RPS6KC1: variants seen among roughly 807,000 people sequenced by gnomAD.
RPS6KC1 encodes the protein inactive ribosomal protein S6 kinase delta-1.
In RPS6KC1, 54 loss-of-function variants were observed where a neutral mutation model predicts 103.8. The ratio of observed to expected loss-of-function variants is 0.52; its 90% CI spans 0.42 to 0.65. RPS6KC1 has a LOEUF of 0.65. Among genes scored for constraint, RPS6KC1 ranks in the 30% least tolerant of loss-of-function variants. The probability of loss-of-function intolerance (pLI) is 0.00; values close to 1 mark genes in which losing one functional copy is unlikely to be tolerated. For synonymous variants in RPS6KC1, 439 were observed against 438.7 expected (o/e 1.00, Z -0.01); for missense variants, 1,151 against 1,253.8 (o/e 0.92, Z 1.24).
intron 1 of RPS6KC1, among the ~76,000 whole-genome samples, chr1:213,064,215 C>G (rs1222934226): frequency 6.6e-6 from 1 of 152,122 alleles, no homozygotes; most frequent in African/African-American, 2.4e-5. Flanking sequence ...TGCCACCACA[C>G]CCGGCTCATT....
At chr1:213,527,742 T>G in the RPS6KC1 span, among the ~76,000 whole-genome samples, 2 of 152,128 alleles carry the variant, frequency 1.3e-5, no homozygotes, top group Non-Finnish European at 2.9e-5. Flanking sequence ...GGGTTAGTGG[T>G]ACTGACCCCT....
At chr1:213,791,741 G>A in the RPS6KC1 span, among the ~76,000 whole-genome samples, 2 of 152,142 alleles carry the variant, frequency 1.3e-5, no homozygotes, top group African/African-American at 4.8e-5. Flanking sequence ...ATCCCTATGA[G>A]GTTTGATGGC....
At chr1:213,113,507 G>C (rs1376075671) in intron 4 of RPS6KC1, among the ~76,000 whole-genome samples, 1 of 150,186 alleles carries the variant, frequency 6.7e-6, no homozygotes, top group Admixed American at 6.6e-5. Context: ...CATGTTGTAG[G>C]TTGCCTGTTC....
the RPS6KC1 span, among the ~76,000 whole-genome samples, chr1:213,756,480 T>C: frequency 2.0e-5 from 3 of 152,194 alleles, no homozygotes; most frequent in African/African-American, 7.2e-5. Flanking sequence ...TTAAAATATA[T>C]ATAAATTGAA....
At chr1:213,165,550 A>C (rs2090889453) in intron 6 of RPS6KC1, among the ~76,000 whole-genome samples, 1 of 152,098 alleles carries the variant, frequency 6.6e-6, no homozygotes, top group Admixed American at 6.5e-5. Context: ...CAGCCTCTTG[A>C]GTAGCTGGGA....
intron 1 of RPS6KC1, among the ~76,000 whole-genome samples, chr1:213,055,966 G>A (rs756943553): frequency 1.3e-5 from 2 of 152,026 alleles, no homozygotes; most frequent in Non-Finnish European, 1.5e-5. Context: ...GTGCAGTGAC[G>A]CAATCATAGC....
the RPS6KC1 span, among the ~76,000 whole-genome samples, chr1:213,328,270 G>C: frequency 3.3e-5 from 5 of 151,848 alleles, no homozygotes; most frequent in Admixed American, 3.3e-4. Context: ...ACTCTGAAAG[G>C]TTACCCAAGT....
chr1:213,836,610 GT>G, the RPS6KC1 span, among the ~76,000 whole-genome samples: 2 of 151,634 alleles, frequency 1.3e-5, no homozygotes, highest in Admixed American at 6.6e-5. Context: ...CTATAGCAGT[GT>G]TTTTTCAAAC....
chr1:213,373,153 G>A, the RPS6KC1 span, among the ~76,000 whole-genome samples: 1 of 152,174 alleles, frequency 6.6e-6, no homozygotes, highest in African/African-American at 2.4e-5. Flanking sequence ...TTCCACTGAG[G>A]TCAAAAAGGA....
chr1:213,854,190 C>T, the RPS6KC1 span, among the ~76,000 whole-genome samples: 2 of 152,234 alleles, frequency 1.3e-5, no homozygotes, highest in African/African-American at 4.8e-5. Context: ...AATTCATCTC[C>T]TCAAACATAC....
the RPS6KC1 span, among the ~76,000 whole-genome samples, chr1:213,465,395 C>T: frequency 6.6e-6 from 1 of 152,154 alleles, no homozygotes; most frequent in African/African-American, 2.4e-5. Flanking sequence ...GAAGTAGAAT[C>T]ACTGGGTTAA....
the RPS6KC1 span, among the ~76,000 whole-genome samples, chr1:213,729,640 A>G: frequency 3.3e-5 from 5 of 152,288 alleles, 1 homozygote; most frequent in South Asian, 1.0e-3. Context: ...TGAACAGATC[A>G]TGAAGTCCAG....
chr1:213,285,673 G>C, the RPS6KC1 span, among the ~76,000 whole-genome samples: 2 of 152,144 alleles, frequency 1.3e-5, no homozygotes, highest in African/African-American at 4.8e-5. Flanking sequence ...GTTATTTTGA[G>C]ATTTACTGTG....
chr1:213,848,951 G>T, the RPS6KC1 span, among the ~76,000 whole-genome samples: 1 of 152,070 alleles, frequency 6.6e-6, no homozygotes, highest in Non-Finnish European at 1.5e-5. Flanking sequence ...GGAAGAGAAG[G>T]AGGAGACAAA....
intron 8 of RPS6KC1, among the ~76,000 whole-genome samples, chr1:213,190,305 C>T (rs975176389): frequency 6.6e-6 from 1 of 151,952 alleles, no homozygotes; most frequent in African/African-American, 2.4e-5. Context: ...CACATCCTTG[C>T]CAGCATTTAT....
At chr1:213,157,288 A>G (rs2089996552) in intron 6 of RPS6KC1, among the ~76,000 whole-genome samples, 1 of 150,448 alleles carries the variant, frequency 6.6e-6, no homozygotes, top group African/African-American at 2.4e-5. Flanking sequence ...ATCTCGGCTC[A>G]CTGCAGGCTC....
intron 7 of RPS6KC1, among the ~76,000 whole-genome samples, chr1:213,170,436 A>G (rs2091381200): frequency 1.3e-5 from 2 of 152,240 alleles, no homozygotes; most frequent in East Asian, 1.9e-4. Context: ...GAATCAAACT[A>G]GATATACTTT....
At chr1:213,422,989 G>C in the RPS6KC1 span, among the ~76,000 whole-genome samples, 1 of 152,206 alleles carries the variant, frequency 6.6e-6, no homozygotes, top group Admixed American at 6.5e-5. Context: ...TCCACCCACA[G>C]AAAAACCTGG....
At chr1:213,388,202 T>A in the RPS6KC1 span, among the ~76,000 whole-genome samples, 1 of 152,256 alleles carries the variant, frequency 6.6e-6, no homozygotes, top group East Asian at 1.9e-4. Flanking sequence ...CTCCCTCTTG[T>A]GCCCAGAAAC....
Sources: gnomAD v4.1 joint callset for allele counts (sites outside exome capture counted in the v4.1 genomes callset) on GRCh38, gnomAD v4.1.1 for gene constraint, MANE v1.5 for transcripts, NCBI Gene and HGNC (gene_info 2026-07-23, HGNC 2026-07-21) for gene names.